RAP1GAP2: variants seen among roughly 807,000 people sequenced by gnomAD.
RAP1GAP2 encodes rap1 GTPase-activating protein 2.
A neutral mutation model predicts 95.0 loss-of-function variants in RAP1GAP2; 27 were observed. The observed-to-expected ratio is 0.28, with a 90% CI of 0.21 to 0.39. The LOEUF (loss-of-function observed/expected upper bound fraction) is 0.39, where lower values mean the gene tolerates loss of function less well. RAP1GAP2 is among the 10% of genes least tolerant of loss of function. The probability of loss-of-function intolerance (pLI) is 1.00; values close to 1 mark genes in which losing one functional copy is unlikely to be tolerated. For missense variants in RAP1GAP2, 771 were observed against 970.0 expected, an observed-to-expected ratio of 0.79 and a Z score of 2.72; for synonymous variants, 373 against 380.9, an observed-to-expected ratio of 0.98 and a Z score of 0.24.
At chr17:2,768,852 C>A (rs1344148982) in intron 1 of RAP1GAP2, among the ~76,000 whole-genome samples, 2 of 151,852 alleles carry the variant, frequency 1.3e-5, no homozygotes, top group African/African-American at 2.4e-5. Context: ...CTGGGAGAGA[C>A]CCTGGAGGTT....
chr17:2,891,513 C>T (rs557098978), intron 2 of RAP1GAP2, among the ~76,000 whole-genome samples: 5 of 151,836 alleles, frequency 3.3e-5, no homozygotes, highest in Middle Eastern at 3.4e-3. Context: ...CCCCCATCTC[C>T]GCCAAGCTTG....
chr17:2,854,333 G>C (rs1273372790), intron 2 of RAP1GAP2, among the ~76,000 whole-genome samples: 1 of 152,352 alleles, frequency 6.6e-6, no homozygotes, highest in African/African-American at 2.4e-5. Flanking sequence ...GGCGCATCGG[G>C]GTGGATCCCT....
At position 2,881,914 on chromosome 17, in the gene RAP1GAP2, G is replaced by A. The variant is rs185138500; in HGVS notation, c.81-23370G>A. ...CGGCTCACTGCAACCTCTGTCTCCC[G>A]GGTTCACGCCATTCTCCTGCCTCAG... is the stretch of plus-strand genomic sequence containing the variant. On this transcript the variant is annotated intron_variant, in intron 2 of 24. Transcript: ENST00000254695. 8.3e-3 allele frequency among the ~76,000 whole-genome samples: 1,265 copies of A among 151,932 alleles called. 11 individuals carry two copies. Among genetic ancestry groups the A allele is most frequent in the Non-Finnish European group, 0.013 (900 of 67,954 alleles).
At chr17:2,760,005 A>T (rs1405983559) in intron 1 of RAP1GAP2, among the ~76,000 whole-genome samples, 1 of 152,170 alleles carries the variant, frequency 6.6e-6, no homozygotes, top group Non-Finnish European at 1.5e-5. Context: ...GATGTGTGAG[A>T]TGCCAGTTTC....
chr17:2,782,874 G>A (rs1456399608), intron 1 of RAP1GAP2, among the ~76,000 whole-genome samples: 2 of 152,080 alleles, frequency 1.3e-5, no homozygotes, highest in African/African-American at 2.4e-5. Context: ...AAAATTACCC[G>A]GGTGTGGTGG....
Position 2,995,458 on chromosome 17 carries a change from G to T in RAP1GAP2, c.1036G>T (p.Ala346Ser). Residue 346 changes from alanine to serine, a missense_variant, in exon 13 of 25, where the codon GCC becomes TCC. Ala to Ser is a moderately conservative substitution (Grantham distance 99). Transcript: ENST00000254695. ...STKLPFTDGD[A>S]QQLQRKRHIG... ...AAAGCTGCCATTTACCGACGGAGACGCCCAGCAGGTAACCTGGTTTGGGAG... is the reference window on the plus strand; with the variant it reads ...AAAGCTGCCATTTACCGACGGAGACTCCCAGCAGGTAACCTGGTTTGGGAG... The T allele has an allele frequency of 6.2e-7, 1 of 1,613,670 alleles. No individual in the cohort carries two copies. The highest frequency in any genetic ancestry group is 8.5e-7 in the Non-Finnish European group (1 of 1,179,680).
At chr17:2,761,114 C>G (rs759933372) in intron 1 of RAP1GAP2, among the ~76,000 whole-genome samples, 13 of 150,944 alleles carry the variant, frequency 8.6e-5, no homozygotes, top group Non-Finnish European at 1.5e-4. Flanking sequence ...GCCACCATGC[C>G]TAATTAATTT....
chr17:2,796,321 G>C, upstream of RAP1GAP2: 1 of 593,558 alleles, frequency 1.7e-6, no homozygotes, highest in Admixed American at 2.9e-5. This position sits in a 1 kb window ranked among gnomAD's most constrained non-coding sequence, Gnocchi z 4.7. Flanking sequence ...GGCCTATCTT[G>C]GTGCCTCCTG....
At chr17:2,767,145 C>T (rs1052046119) in intron 1 of RAP1GAP2, among the ~76,000 whole-genome samples, 69 of 151,842 alleles carry the variant, frequency 4.5e-4, no homozygotes, top group African/African-American at 1.6e-3. Context: ...GGGTGGATCA[C>T]GAGGTCAGGA....
At chr17:2,960,137 A>C (rs1354647677) in intron 4 of RAP1GAP2, among the ~76,000 whole-genome samples, 3 of 151,458 alleles carry the variant, frequency 2.0e-5, no homozygotes, top group South Asian at 4.2e-4. Context: ...AAAAAAAAAA[A>C]AAAACAACAA....
At chr17:2,924,696 T>C (rs1218561764) in intron 3 of RAP1GAP2, among the ~76,000 whole-genome samples, 2 of 152,118 alleles carry the variant, frequency 1.3e-5, no homozygotes, top group Non-Finnish European at 2.9e-5. Context: ...GGGCTGAGTT[T>C]GTCCTCAAAT....
In RAP1GAP2 at chr17:2,832,308, C is replaced by G. The variant is rs1416089455; in HGVS notation, c.80+31758C>G. On this transcript the variant is annotated intron_variant, in intron 2 of 24. Transcript: ENST00000254695. Reference sequence around the variant, plus strand: ...GCGCGGTGGCTCATGCCTGTAATCCCAGCACTTTGGGAGGCCAAGGTGGGT... The same window carrying G: ...GCGCGGTGGCTCATGCCTGTAATCCGAGCACTTTGGGAGGCCAAGGTGGGT... Among the ~76,000 whole-genome samples the G allele has an allele frequency of 2.6e-5, 4 of 151,892 alleles. No homozygotes were observed. In the East Asian group the frequency reaches 7.7e-4, roughly 29 times the overall value.
chr17:2,928,446 C>A (rs1033422345), intron 3 of RAP1GAP2, among the ~76,000 whole-genome samples: 2 of 151,986 alleles, frequency 1.3e-5, no homozygotes, highest in African/African-American at 2.4e-5. Context: ...TGACAGCCTG[C>A]GTGTCCGGGG....
Position 3,003,964 on chromosome 17 carries a change from C to G in RAP1GAP2, c.1201-1405C>G, listed in dbSNP as rs1467517595. Among the ~76,000 whole-genome samples, 5 of 152,124 alleles carry G rather than the reference C, an allele frequency of 3.3e-5. No homozygotes were observed. The highest frequency in any genetic ancestry group is 7.3e-5 in the Non-Finnish European group (5 of 68,030). On this transcript the variant is annotated intron_variant, in intron 14 of 24. Transcript: ENST00000254695. This position sits in a 1 kb window ranked among gnomAD's most constrained non-coding sequence, Gnocchi z 4.1. ...GGACTTGAGGATGTGTCTGAAGCCACTTACACGGTCGGCACAGACCACTCT... is the reference window on the plus strand; with the variant it reads ...GGACTTGAGGATGTGTCTGAAGCCAGTTACACGGTCGGCACAGACCACTCT...
rs1421478425 is a variant in RAP1GAP2, at chr17:2,867,473, CCTT to C, written c.81-37808_81-37806del. On this transcript the variant is annotated intron_variant, in intron 2 of 24. Coordinates refer to ENST00000254695, the MANE Select transcript of RAP1GAP2 (RefSeq NM_015085.5). This position sits in a 1 kb window ranked among gnomAD's most constrained non-coding sequence, Gnocchi z 4.5. ...ATGGACGATGGCTGCCCTGGGCTGA[CCTT>C]CTACCCACTTAGCAATACCAACAGG... Among the ~76,000 whole-genome samples the C allele has an allele frequency of 1.3e-5, 2 of 152,118 alleles. No individual in the cohort carries two copies. Among genetic ancestry groups the C allele is most frequent in the Non-Finnish European group, 2.9e-5 (2 of 68,018 alleles).
At chr17:2,932,955 C>T (rs932605306) in intron 3 of RAP1GAP2, among the ~76,000 whole-genome samples, 40 of 151,954 alleles carry the variant, frequency 2.6e-4, no homozygotes, top group African/African-American at 9.4e-4. Context: ...AGGCACAGGT[C>T]GAGGCTGGGA....
intron 17 of RAP1GAP2, among the ~76,000 whole-genome samples, chr17:3,013,061 T>G (rs1430040688): frequency 6.6e-6 from 1 of 152,214 alleles, no homozygotes; most frequent in African/African-American, 2.4e-5. Context: ...CTGGCTGTGA[T>G]GGACCCGGGA....
chr17:3,025,219 G>A (rs980366633), intron 19 of RAP1GAP2, among the ~76,000 whole-genome samples: 2 of 152,106 alleles, frequency 1.3e-5, no homozygotes, highest in Non-Finnish European at 2.9e-5. Flanking sequence ...TCTACTAAAA[G>A]TACAAAAATT....
chr17:2,890,822 C>A (rs966393517), intron 2 of RAP1GAP2, among the ~76,000 whole-genome samples: 1 of 151,724 alleles, frequency 6.6e-6, no homozygotes, highest in African/African-American at 2.4e-5. Context: ...GTAGCTGGGA[C>A]CACAGGCGCC....
Sources: gnomAD v4.1 joint callset for allele counts (sites outside exome capture counted in the v4.1 genomes callset) on GRCh38, gnomAD v4.1.1 for gene constraint, Gnocchi (gnomAD v3.1) non-coding constraint, MANE v1.5 for transcripts, NCBI Gene and HGNC (gene_info 2026-07-23, HGNC 2026-07-21) for gene names.